The following SULT1C4 variants were observed in gnomAD, a reference collection of about 807,000 sequenced individuals.
SULT1C4 encodes sulfotransferase 1C4.
In SULT1C4, 32 loss-of-function variants were observed where a neutral mutation model predicts 34.8. The observed-to-expected ratio is 0.92, with a 90% CI of 0.69 to 1.23. The LOEUF is 1.23. SULT1C4 is among the 50% of genes most tolerant of loss of function. The pLI, the probability that SULT1C4 is intolerant of heterozygous loss-of-function variation, is 0.00. For synonymous variants in SULT1C4, 111 were observed against 120.5 expected, an observed-to-expected ratio of 0.92 and a Z score of 0.51; for missense variants, 375 against 365.9, an observed-to-expected ratio of 1.02 and a Z score of -0.20.
At position 108,383,425 on chromosome 2, in the gene SULT1C4, G is replaced by T. The variant is rs367696220; in HGVS notation, c.530G>T (p.Gly177Val). 6 of 1,614,082 alleles carry T rather than the reference G, an allele frequency of 3.7e-6. No individual in the cohort carries two copies. The highest frequency in any genetic ancestry group is 5.1e-6 in the Non-Finnish European group (6 of 1,179,994). ...ETFLAGKVCW[G>V]SWHEHVKGWW... ...CCATCCCATCCTCCAGTGTGCTGGG[G>T]CTCCTGGCATGAACATGTGAAAGGA... The change falls in exon 5 of 7, where the codon GGC (glycine) becomes GTC (valine). Residue 177 changes from glycine (G) to valine (V), a missense_variant. Physicochemically the swap from Gly to Val is moderately radical, Grantham distance 109. Transcript: ENST00000272452.
rs113032267 is a variant in SULT1C4 at position 108,382,566 on chromosome 2, A to AAT, written c.393+98_393+99dup. The AAT allele has an allele frequency of 5.1e-3, 4,627 of 911,342 alleles. 67 individuals carry two copies. Among genetic ancestry groups the AAT allele is most frequent in the African/African-American group, 0.049 (2,945 of 59,568 alleles). The allele number at this position is 911,342 out of a possible 1,614,324, so 56.5% of individuals were successfully genotyped here. A position where few individuals can be genotyped will look rare whatever the true frequency, so the allele number is the denominator to read the frequency against. On this transcript the variant is annotated intron_variant, in intron 3 of 6. Transcript: ENST00000272452. ...TCCTCTTAAAACACTTCACTTGTTA[A>AAT]ATATATATATATATACCTCTTCACA...
chr2:108,383,686 C>CA (rs1296739270), intron 5 of SULT1C4, among the ~76,000 whole-genome samples, 176 bp downstream of exon 5: 1 of 152,232 alleles, frequency 6.6e-6, no homozygotes, highest in Non-Finnish European at 1.5e-5. Flanking sequence ...AAGTATCACA[C>CA]AGTCTCACCT....
Position 108,383,486 on chromosome 2 carries a change from T to C in SULT1C4, c.591T>C (p.Tyr197=). 1 of 1,614,160 alleles carries C rather than the reference T, an allele frequency of 6.2e-7. No homozygotes were observed. Among genetic ancestry groups the C allele is most frequent in the Non-Finnish European group, 8.5e-7 (1 of 1,180,004 alleles). The part of the protein sequence containing the change: ...WEAKDKHRIL[Y]LFYEDMKKNP... ...CCAAAGACAAACACCGTATTCTCTA[T>C]CTCTTCTATGAGGACATGAAGAAGG... Residue 197 remains tyrosine, a synonymous_variant, in exon 5 of 7, where the codon TAT becomes TAC. Transcript: ENST00000272452.
At chr2:108,381,641 C>G in intron 1 of SULT1C4, 121 bp from the exon 2 acceptor site, 1 of 1,169,682 alleles carries the variant, frequency 8.5e-7, no homozygotes, top group Non-Finnish European at 1.1e-6. Context: ...GACCCTGTCT[C>G]AAAAAACAAA....
intron 1 of SULT1C4, 97 bp downstream of exon 1, chr2:108,378,603 ACT>A: frequency 7.2e-7 from 1 of 1,392,328 alleles, no homozygotes; most frequent in Non-Finnish European, 9.8e-7. Flanking sequence ...GATCTGGAAA[ACT>A]CTGGACAGAG....
At chr2:108,381,639 C>A in intron 1 of SULT1C4, 123 bp from the exon 2 acceptor site, 1 of 1,129,710 alleles carries the variant, frequency 8.9e-7, no homozygotes, top group Non-Finnish European at 1.1e-6. Context: ...AAGACCCTGT[C>A]TCAAAAAACA....
chr2:108,386,269 C>T lies in SULT1C4; in HGVS notation c.693C>T (p.Val231=). The change falls in exon 6 of 7, where the codon GTC becomes GTT. Residue 231 remains valine (V), a synonymous_variant. Transcript: ENST00000272452. ...ATGACAAAGTTCTAGATAAAATTGT[C>T]CATTACACTTCGTTTGATGTCATGA... ...KLDDKVLDKI[V]HYTSFDVMKQ... The T allele has an allele frequency of 6.3e-7, 1 of 1,582,794 alleles. No homozygotes were observed. The highest frequency in any genetic ancestry group is 8.6e-7 in the Non-Finnish European group (1 of 1,164,366).
rs149607482 is a variant in SULT1C4 at position 108,379,794 on chromosome 2, A to C, written c.169+1288A>C. 1.1e-4 allele frequency among the ~76,000 whole-genome samples: 17 copies of C among 152,356 alleles called. No homozygotes were observed. The East Asian group carries it at 3.3e-3, about 29-fold the overall frequency. On this transcript the variant is annotated intron_variant, in intron 1 of 6. Coordinates refer to ENST00000272452, the MANE Select transcript of SULT1C4 (RefSeq NM_006588.4). ...AAAGAATAATACTCTGAATGACACA[A>C]GAAAAAAATACATCATAGAATCACT...
chr2:108,387,720 T>C lies in SULT1C4; in HGVS notation c.*288T>C, dbSNP rs1678603645. The C allele has an allele frequency of 3.5e-6, 1 of 287,702 alleles. No individual in the cohort carries two copies. The highest frequency in any genetic ancestry group is 6.4e-6 in the Non-Finnish European group (1 of 156,046). The allele number at this position is 287,702 out of a possible 1,614,324, so 17.8% of individuals were successfully genotyped here. A position where few individuals can be genotyped will look rare whatever the true frequency, so the allele number is the denominator to read the frequency against. On this transcript the variant is annotated 3_prime_UTR_variant, in exon 7 of 7. Coordinates refer to ENST00000272452, the MANE Select transcript of SULT1C4 (RefSeq NM_006588.4). ...TACATTTTCTACAATCATGTGCTTA[T>C]TAACATATTGGAAATGCTTCAGTCC... is the stretch of plus-strand genomic sequence containing the variant.
intron 1 of SULT1C4, among the ~76,000 whole-genome samples, chr2:108,381,454 T>C (rs1229717208): frequency 1.3e-5 from 2 of 151,944 alleles, no homozygotes; most frequent in African/African-American, 2.4e-5. Context: ...GAGTTCCAGA[T>C]CAGCCTGGGC....
chr2:108,379,562 C>T (rs140249875), intron 1 of SULT1C4, among the ~76,000 whole-genome samples: 2 of 152,212 alleles, frequency 1.3e-5, no homozygotes, highest in East Asian at 3.9e-4. Context: ...ATCTGCCAAA[C>T]GCAAGTACAA....
chr2:108,384,796 A>G (rs1402970575), intron 5 of SULT1C4, among the ~76,000 whole-genome samples: 1 of 152,228 alleles, frequency 6.6e-6, no homozygotes, highest in Non-Finnish European at 1.5e-5. Context: ...AGATCTATAC[A>G]GAATTACAGT....
At chr2:108,382,287 A>G (rs1225348722) in intron 2 of SULT1C4, 98 bp from the exon 3 acceptor site, 1 of 925,874 alleles carries the variant, frequency 1.1e-6, no homozygotes, top group Non-Finnish European at 1.8e-6. Context: ...GTTCTTATAG[A>G]TGCTTTGAAT....
At chr2:108,387,274 ACT>A (rs758749928) in intron 6 of SULT1C4, 44 bp from the exon 7 acceptor site, 1 of 1,408,688 alleles carries the variant, frequency 7.1e-7, no homozygotes, top group East Asian at 2.3e-5. Flanking sequence ...GGAAGCACAG[ACT>A]CTTCCAACAG....
rs187423555 is a variant in SULT1C4, at chr2:108,384,767, G to C, written c.615+1257G>C. On this transcript the variant is annotated intron_variant, in intron 5 of 6. Transcript: ENST00000272452. ...ATAATCATCTACTCAGCTATTTTCT[G>C]TGACCCCACTAAATACAGAGATCTA... 3.0e-4 allele frequency among the ~76,000 whole-genome samples: 46 copies of C among 152,284 alleles called. No homozygotes were observed. The East Asian group carries it at 8.5e-3, about 28-fold the overall frequency.
At chr2:108,385,550 C>T (rs574736146) in intron 5 of SULT1C4, among the ~76,000 whole-genome samples, 5 of 152,286 alleles carry the variant, frequency 3.3e-5, no homozygotes, top group African/African-American at 9.6e-5. Context: ...TAAGCGCTTC[C>T]ACTTTCCTTC....
In SULT1C4 at chr2:108,384,054, A is replaced by G. The variant is rs189240406; in HGVS notation, c.615+544A>G. The stretch of plus-strand genomic sequence containing the variant: ...AGCTAATTATTTGTATTTTTAGTAG[A>G]AACCGGGTTTCACCATGTTGGCCAG... On this transcript the variant is annotated intron_variant, in intron 5 of 6. Transcript: ENST00000272452. Among the ~76,000 whole-genome samples, 719 of 151,762 alleles carry G rather than the reference A, an allele frequency of 4.7e-3. 6 individuals carry two copies. Among genetic ancestry groups the G allele is most frequent in the African/African-American group, 0.016 (682 of 41,336 alleles).
intron 5 of SULT1C4, among the ~76,000 whole-genome samples, chr2:108,384,077 C>T (rs1678504636): frequency 6.6e-6 from 1 of 151,876 alleles, no homozygotes. Context: ...CCATGTTGGC[C>T]AGGCTGGTTT....
At position 108,383,520 on chromosome 2, in the gene SULT1C4, G is replaced by A. The variant is rs531642583; in HGVS notation, c.615+10G>A. 2.7e-5 allele frequency: 43 copies of A among 1,612,492 alleles called. No individual in the cohort carries two copies. The East Asian group carries it at 8.7e-4, about 33-fold the overall frequency. ...TGAGGACATGAAGAAGGTGAGCACA[G>A]TGCCATCTAAGGTGTACCCACTGGA... On this transcript the variant is annotated intron_variant, in intron 5 of 6. Transcript: ENST00000272452.
Sources: allele counts gnomAD v4.1 joint callset (sites outside exome capture counted in the v4.1 genomes callset), GRCh38; gene constraint gnomAD v4.1.1; transcripts MANE v1.5; gene names NCBI Gene and HGNC (gene_info 2026-07-23, HGNC 2026-07-21).